Variants in KIT observed in about 807,000 individuals in gnomAD.
KIT encodes KIT proto-oncogene, receptor tyrosine kinase.
Under a neutral mutation model 105.7 loss-of-function variants are expected in KIT, and 16 were observed. That is an observed-to-expected ratio of 0.15 (90% CI 0.10 to 0.23). KIT has a LOEUF of 0.23. Ranked by LOEUF, KIT falls within the 10% of genes least tolerant of loss-of-function variation. KIT has a pLI of 1.00. For synonymous variants in KIT, 438 were observed against 441.1 expected (o/e 0.99, Z 0.09); for missense variants, 858 against 1,213.8 (o/e 0.71, Z 4.36).
intron 1 of KIT, among the ~76,000 whole-genome samples, chr4:54,688,620 T>C (rs1719483540): frequency 1.3e-5 from 2 of 152,238 alleles, no homozygotes; most frequent in South Asian, 4.1e-4. Context: ...CAGCCACTGC[T>C]GAAGTTGCCG....
intron 1 of KIT, among the ~76,000 whole-genome samples, chr4:54,665,674 C>G (rs1379556897): frequency 6.6e-6 from 1 of 152,030 alleles, no homozygotes; most frequent in Non-Finnish European, 1.5e-5. Flanking sequence ...GAAATAAAGC[C>G]AAGAGGAGGG....
chr4:54,740,344 A>G lies in KIT; in HGVS notation c.*1787A>G, dbSNP rs1723174511. 1 of 233,464 alleles carries G rather than the reference A, an allele frequency of 4.3e-6. No individual in the cohort carries two copies. Among genetic ancestry groups the G allele is most frequent in the Non-Finnish European group, 8.5e-6 (1 of 117,982 alleles). 14.5% of individuals were successfully genotyped at this position (233,464 alleles called of 1,614,324 possible). On this transcript the variant is annotated 3_prime_UTR_variant, in exon 21 of 21. Coordinates refer to ENST00000288135, the MANE Select transcript of KIT (RefSeq NM_000222.3). The stretch of plus-strand genomic sequence containing the variant: ...TTCTATTGACTTCAATGATAGTAAG[A>G]AAAGTGGTTGTTAGTTATAGATGTC...
At chr4:54,699,907 A>C in intron 4 of KIT, 141 bp downstream of exon 4, 2 of 835,586 alleles carry the variant, frequency 2.4e-6, no homozygotes, top group Admixed American at 3.7e-5. Context: ...TTGGGATTGC[A>C]TATTTCCCCC....
At chr4:54,696,850 G>T (rs977723432) in intron 2 of KIT, among the ~76,000 whole-genome samples, 6 of 152,262 alleles carry the variant, frequency 3.9e-5, no homozygotes, top group Non-Finnish European at 5.9e-5. Flanking sequence ...TCGCCTCAGG[G>T]CATGCTTCTG....
chr4:54,659,385 A>G (rs897092622), intron 1 of KIT, among the ~76,000 whole-genome samples: 2 of 152,150 alleles, frequency 1.3e-5, no homozygotes, highest in Admixed American at 1.3e-4. Flanking sequence ...GCTATCTCCC[A>G]GGTCATTTTT....
intron 10 of KIT, 27 bp from the exon 11 acceptor site, chr4:54,727,389 G>C (rs766435183): frequency 6.2e-7 from 1 of 1,614,072 alleles, no homozygotes; most frequent in Non-Finnish European, 8.5e-7. Context: ...ATTAAAAGGT[G>C]ATCTATTTTT....
chr4:54,686,972 G>A (rs1255182392), intron 1 of KIT, among the ~76,000 whole-genome samples: 1 of 152,138 alleles, frequency 6.6e-6, no homozygotes, highest in African/African-American at 2.4e-5. Context: ...CTTTTCCATG[G>A]AACTACTTTT....
In KIT at chr4:54,739,634, C is replaced by G. The variant is rs896415172; in HGVS notation, c.*1077C>G. On this transcript the variant is annotated 3_prime_UTR_variant, in exon 21 of 21. Coordinates refer to ENST00000288135, the MANE Select transcript of KIT (RefSeq NM_000222.3). ...GGTTTAGCCTCCTTCGCAGGCATGT[C>G]CTGGACACCGGGCCAGTATCTATAT... 4.3e-6 allele frequency: 1 copy of G among 233,506 alleles called. No homozygotes were observed. The highest frequency in any genetic ancestry group is 2.2e-5 in the African/African-American group (1 of 45,346). The allele number at this position is 233,506 out of a possible 1,614,324, so 14.5% of individuals were successfully genotyped here. A position where few individuals can be genotyped will look rare whatever the true frequency, so the allele number is the denominator to read the frequency against.
At chr4:54,674,072 C>T (rs569775668) in intron 1 of KIT, among the ~76,000 whole-genome samples, 2 of 152,284 alleles carry the variant, frequency 1.3e-5, no homozygotes, top group South Asian at 2.1e-4. Flanking sequence ...TGCCCGGCCT[C>T]ATAGTTGTTT....
rs766129247 is a variant in KIT, at chr4:54,709,611, A to G, written c.1231+72A>G. ...TGTGGCTCGTGTTTGTAACAGCTGC[A>G]AGGACTCAACTTGTGTACTATGTAA... is the stretch of plus-strand genomic sequence containing the variant. On this transcript the variant is annotated intron_variant, in intron 7 of 20. Coordinates refer to ENST00000288135, the MANE Select transcript of KIT (RefSeq NM_000222.3). 4.4e-6 allele frequency: 4 copies of G among 907,882 alleles called. No homozygotes were observed. The African/African-American group carries it at 6.6e-5, about 15-fold the overall frequency. The allele number at this position is 907,882 out of a possible 1,614,324, so 56.2% of individuals were successfully genotyped here.
At chr4:54,693,560 C>G (rs895515878) in intron 1 of KIT, among the ~76,000 whole-genome samples, 1 of 152,156 alleles carries the variant, frequency 6.6e-6, no homozygotes, top group Non-Finnish European at 1.5e-5. Context: ...CCATTACTGG[C>G]CAGGTTGTAC....
At chr4:54,683,483 G>T (rs151220216) in intron 1 of KIT, among the ~76,000 whole-genome samples, 14 of 152,228 alleles carry the variant, frequency 9.2e-5, no homozygotes, top group South Asian at 4.2e-4. Context: ...ACCAAAAGGT[G>T]GGGGGGTGGG....
intron 16 of KIT, 47 bp downstream of exon 16, chr4:54,732,045 A>ATTTTTTTTTTTTTTTTTTTTTGTT: frequency 1.1e-6 from 1 of 887,876 alleles, no homozygotes; most frequent in Non-Finnish European, 1.6e-6. Flanking sequence ...TGTTTTTTTG[A>ATTTTTTTTTTTTTTTTTTTTTGTT]TTTTTTTTTT....
chr4:54,733,420 T>C, intron 17 of KIT: 1 of 468,316 alleles, frequency 2.1e-6, no homozygotes, highest in Non-Finnish European at 3.9e-6. Flanking sequence ...TTTTGGGGCA[T>C]GTGAAGGAAA....
chr4:54,712,525 A>G (rs940311635), intron 7 of KIT, among the ~76,000 whole-genome samples: 1 of 151,894 alleles, frequency 6.6e-6, no homozygotes, highest in Non-Finnish European at 1.5e-5. Flanking sequence ...TCATGCTTCC[A>G]TTTGCCAGTG....
intron 1 of KIT, among the ~76,000 whole-genome samples, chr4:54,667,631 G>T (rs761153369): frequency 2.6e-5 from 4 of 152,206 alleles, no homozygotes; most frequent in African/African-American, 4.8e-5. Context: ...TGCTCCCGCC[G>T]ACAGAACGTC....
chr4:54,663,201 G>A (rs1717419498), intron 1 of KIT, among the ~76,000 whole-genome samples: 1 of 152,194 alleles, frequency 6.6e-6, no homozygotes, highest in Non-Finnish European at 1.5e-5. Flanking sequence ...TTCAGGACAT[G>A]TGGCATCAGT....
intron 1 of KIT, among the ~76,000 whole-genome samples, chr4:54,669,592 C>T (rs910768042): frequency 6.6e-6 from 1 of 151,714 alleles, no homozygotes; most frequent in Non-Finnish European, 1.5e-5. Context: ...ATTGAAGCAT[C>T]GGAGGTGTAG....
rs191499811 is a variant in KIT, at chr4:54,669,399, C to T, written c.67+11318C>T. 6.6e-3 allele frequency among the ~76,000 whole-genome samples: 999 copies of T among 152,350 alleles called. 6 individuals are homozygous for T. Among genetic ancestry groups the T allele is most frequent in the Non-Finnish European group, 9.0e-3 (612 of 68,038 alleles). On this transcript the variant is annotated intron_variant, in intron 1 of 20. Transcript: ENST00000288135. ...TGGCCCAGAGCATTGTGTGTGCCTGCGAGTGAGGTGGGTCCCCCACGGGGT... is the reference window on the plus strand; with the variant it reads ...TGGCCCAGAGCATTGTGTGTGCCTGTGAGTGAGGTGGGTCCCCCACGGGGT...
Sources: allele counts gnomAD v4.1 joint callset (sites outside exome capture counted in the v4.1 genomes callset), GRCh38; gene constraint gnomAD v4.1.1; transcripts MANE v1.5; gene names NCBI Gene and HGNC (gene_info 2026-07-23, HGNC 2026-07-21).